The following PTPN12 variants were observed in gnomAD, a reference collection of about 807,000 sequenced individuals.
PTPN12 encodes the protein protein tyrosine phosphatase non-receptor type 12, also known as tyrosine-protein phosphatase non-receptor type 12.
PTPN12 carries 29 observed loss-of-function variants against 97.6 expected under a neutral mutation model. The observed-to-expected ratio is 0.30, with a 90% confidence interval of 0.22 to 0.41. PTPN12 has a LOEUF of 0.41. Among genes scored for constraint, PTPN12 ranks in the 10% least tolerant of loss-of-function variants. PTPN12 has a pLI of 1.00. For synonymous variants in PTPN12, 327 were observed against 300.4 expected (o/e 1.09, Z -0.91); for missense variants, 819 against 926.0 (o/e 0.88, Z 1.50).
chr7:77,631,590 T>G (rs950310724), intron 13 of PTPN12, among the ~76,000 whole-genome samples: 2 of 152,164 alleles, frequency 1.3e-5, no homozygotes, highest in Non-Finnish European at 2.9e-5. Context: ...ATACACTCAT[T>G]TACCTTAAGC....
At chr7:77,635,705 G>T in intron 14 of PTPN12, 77 bp from the exon 15 acceptor site, 1 of 872,624 alleles carries the variant, frequency 1.1e-6, no homozygotes, top group Non-Finnish European at 1.6e-6. Flanking sequence ...TTTAGGATCT[G>T]TTTTTTGTAT....
At chr7:77,608,481 GTC>G (rs1408814351) in intron 9 of PTPN12, among the ~76,000 whole-genome samples, 1 of 152,166 alleles carries the variant, frequency 6.6e-6, no homozygotes, top group East Asian at 1.9e-4. Flanking sequence ...TGAAAAACAA[GTC>G]TCTTCATTAT....
chr7:77,575,102 A>G (rs1440051751), intron 2 of PTPN12, among the ~76,000 whole-genome samples: 1 of 152,156 alleles, frequency 6.6e-6, no homozygotes, highest in Non-Finnish European at 1.5e-5. Context: ...CCAAAGTACT[A>G]GGATTACTGG....
intron 1 of PTPN12, among the ~76,000 whole-genome samples, chr7:77,542,926 T>A (rs1284952900): frequency 6.6e-6 from 1 of 152,110 alleles, no homozygotes; most frequent in Non-Finnish European, 1.5e-5. Context: ...TGGGAGTGAA[T>A]GAGCTTATTC....
rs759524968 is a variant in PTPN12 at position 77,627,181 on chromosome 7, C to CTGTTTGAGTTTGTGG, written c.1502_1503insTGTTTGAGTTTGTGG (p.Thr501_Gln502insValTer). On this transcript the variant is annotated stop_gained and inframe_insertion, in exon 13 of 18. Coordinates refer to ENST00000248594, the MANE Select transcript of PTPN12 (RefSeq NM_002835.4). LOFTEE classifies it high-confidence loss of function. ...AATTCTTGTGTGGACTGCAGTGTAACACAATCAAACAAAGTTTCAGTTACT... is the reference window on the plus strand; with the variant it reads ...AATTCTTGTGTGGACTGCAGTGTAACTGTTTGAGTTTGTGGACAATCAAACAAAGTTTCAGTTACT... The CTGTTTGAGTTTGTGG allele has an allele frequency of 6.2e-7, 1 of 1,614,084 alleles. No homozygotes were observed. Among genetic ancestry groups the CTGTTTGAGTTTGTGG allele is most frequent in the Admixed American group, 1.7e-5 (1 of 60,002 alleles).
At chr7:77,623,588 A>G (rs751452144) in intron 12 of PTPN12, among the ~76,000 whole-genome samples, 10 of 152,202 alleles carry the variant, frequency 6.6e-5, no homozygotes, top group South Asian at 2.1e-4. Flanking sequence ...GCGCGTGCCT[A>G]TAATCCCAGC....
At chr7:77,559,117 A>G (rs1179890131) in intron 1 of PTPN12, among the ~76,000 whole-genome samples, 1 of 152,246 alleles carries the variant, frequency 6.6e-6, no homozygotes, top group East Asian at 1.9e-4. Flanking sequence ...CTGTGTAACC[A>G]GCCTCCAATA....
At chr7:77,549,551 C>A (rs1807383741) in intron 1 of PTPN12, among the ~76,000 whole-genome samples, 1 of 151,046 alleles carries the variant, frequency 6.6e-6, no homozygotes, top group Non-Finnish European at 1.5e-5. Flanking sequence ...GCAAGGAAAT[C>A]CTGTTTTAAA....
In PTPN12 at chr7:77,619,834, G is replaced by A. The variant is rs974882546; in HGVS notation, c.1025+1269G>A. On this transcript the variant is annotated intron_variant, in intron 12 of 17. Transcript: ENST00000248594. Reference sequence around the variant, plus strand: ...TTGCATACTTCTCTTAGGAACCTCAGGAAGCCTATATATAGATGAGGTTAG... The same window carrying A: ...TTGCATACTTCTCTTAGGAACCTCAAGAAGCCTATATATAGATGAGGTTAG... 2.6e-5 allele frequency among the ~76,000 whole-genome samples: 4 copies of A among 152,118 alleles called. No individual in the cohort carries two copies. In the East Asian group the frequency reaches 5.8e-4, roughly 22 times the overall value.
At chr7:77,604,448 C>T (rs1437391260) in intron 8 of PTPN12, among the ~76,000 whole-genome samples, 1 of 151,350 alleles carries the variant, frequency 6.6e-6, no homozygotes, top group African/African-American at 2.4e-5. Flanking sequence ...CTCCTGACCT[C>T]AGGTGATCAC....
Position 77,610,848 on chromosome 7 carries a change from G to A in PTPN12, c.840+6G>A. The A allele has an allele frequency of 6.3e-7, 1 of 1,599,516 alleles. No individual in the cohort carries two copies. The highest frequency in any genetic ancestry group is 8.5e-7 in the Non-Finnish European group (1 of 1,176,070). ...ATTCTGCAGTACAAACAAAGGTATA[G>A]TTGTTTGTTTCCCTTTATAAACTGC... On this transcript the variant is annotated splice_donor_region_variant and intron_variant, in intron 10 of 17. Transcript: ENST00000248594.
intron 13 of PTPN12, among the ~76,000 whole-genome samples, chr7:77,628,149 G>A (rs901021121): frequency 6.6e-6 from 1 of 151,994 alleles, no homozygotes; most frequent in Non-Finnish European, 1.5e-5. Flanking sequence ...TGTTTTTACT[G>A]TCTTCACAAA....
intron 12 of PTPN12, among the ~76,000 whole-genome samples, chr7:77,622,331 G>GA (rs1283525306): frequency 1.3e-5 from 2 of 152,074 alleles, no homozygotes; most frequent in South Asian, 2.1e-4. Flanking sequence ...CCTCTAATAT[G>GA]AAAAAACAGA....
intron 6 of PTPN12, 129 bp downstream of exon 6, chr7:77,592,385 T>A (rs1379509215): frequency 2.8e-6 from 2 of 727,066 alleles, no homozygotes; most frequent in African/African-American, 1.9e-5. Context: ...TGCTTACATT[T>A]AAAAAAATTT....
At chr7:77,541,349 C>CA (rs1474860753) in intron 1 of PTPN12, among the ~76,000 whole-genome samples, 1 of 152,214 alleles carries the variant, frequency 6.6e-6, no homozygotes, top group Non-Finnish European at 1.5e-5. Context: ...GCCTCAGCCT[C>CA]AAAGTGCTGG....
intron 8 of PTPN12, among the ~76,000 whole-genome samples, chr7:77,606,053 C>G (rs1788364353): frequency 7.2e-6 from 1 of 138,726 alleles, no homozygotes; most frequent in African/African-American, 2.7e-5. Flanking sequence ...TTCCCCGGTT[C>G]AAGTGATTCT....
At chr7:77,597,458 C>G (rs1374063314) in intron 6 of PTPN12, among the ~76,000 whole-genome samples, 1 of 152,134 alleles carries the variant, frequency 6.6e-6, no homozygotes. Flanking sequence ...CAGTATGTAG[C>G]CTTTTCAGAT....
intron 12 of PTPN12, 59 bp from the exon 13 acceptor site, chr7:77,626,646 C>A: frequency 6.7e-7 from 1 of 1,492,522 alleles, no homozygotes; most frequent in Non-Finnish European, 9.0e-7. Flanking sequence ...CTACATAATT[C>A]TCAGGTATCA....
rs775712037 is a variant in PTPN12, at chr7:77,625,472, G to GCTCTCTCT, written c.1026-1189_1026-1182dup. ...TTTTGCCATATTGCCCAGGCTGCTC[G>GCTCTCTCT]CTCTCTCTCTCTCTCTCTCTCTCTC... On this transcript the variant is annotated intron_variant, in intron 12 of 17. Coordinates refer to ENST00000248594, the MANE Select transcript of PTPN12 (RefSeq NM_002835.4). Among the ~76,000 whole-genome samples the GCTCTCTCT allele has an allele frequency of 4.1e-3, 137 of 33,470 alleles. 6 individuals are homozygous for GCTCTCTCT. Among genetic ancestry groups the GCTCTCTCT allele is most frequent in the Non-Finnish European group, 5.7e-3 (113 of 19,980 alleles). 22.0% of individuals were successfully genotyped at this position (33,470 alleles called of 152,430 possible).
Sources: allele counts gnomAD v4.1 joint callset (sites outside exome capture counted in the v4.1 genomes callset), GRCh38; gene constraint gnomAD v4.1.1; transcripts MANE v1.5; gene names NCBI Gene and HGNC (gene_info 2026-07-23, HGNC 2026-07-21).